TIMP2: variants seen among roughly 807,000 people sequenced by gnomAD.
TIMP2 encodes the protein metalloproteinase inhibitor 2.
TIMP2 carries 5 observed loss-of-function variants against 24.3 expected under a neutral mutation model. The ratio of observed to expected loss-of-function variants is 0.21; its 90% CI spans 0.11 to 0.43. The LOEUF is 0.43. Among genes scored for constraint, TIMP2 ranks in the 20% least tolerant of loss-of-function variants. The probability of loss-of-function intolerance (pLI) is 1.00; values close to 1 mark genes in which losing one functional copy is unlikely to be tolerated. For synonymous variants in TIMP2, 130 were observed against 123.2 expected (o/e 1.06, Z -0.37); for missense variants, 221 against 297.5 (o/e 0.74, Z 1.89).
At chr17:78,907,731 A>C (rs1053030514) in intron 1 of TIMP2, among the ~76,000 whole-genome samples, 1 of 152,252 alleles carries the variant, frequency 6.6e-6, no homozygotes, top group Admixed American at 6.5e-5. Context: ...TCTGCAGAGC[A>C]CAATATAGCG....
intron 1 of TIMP2, among the ~76,000 whole-genome samples, chr17:78,889,672 C>A (rs183699667): frequency 7.9e-5 from 12 of 152,310 alleles, no homozygotes; most frequent in Admixed American, 3.3e-4. Context: ...GTGCCTGTGG[C>A]CCCTGAAAAC....
At position 78,896,900 on chromosome 17, in the gene TIMP2, C is replaced by G. The variant is rs1020954408; in HGVS notation, c.131-22981G>C. ...CCGATCCGATCCCAGCACCTGGGCCCAGGAATGTGCTTGGCCACCAGATTC... is the reference window on the plus strand; with the variant it reads ...CCGATCCGATCCCAGCACCTGGGCCGAGGAATGTGCTTGGCCACCAGATTC... On this transcript the variant is annotated intron_variant, in intron 1 of 4. Coordinates refer to ENST00000262768, the MANE Select transcript of TIMP2 (RefSeq NM_003255.5). This position sits in a 1 kb window ranked among gnomAD's most constrained non-coding sequence, Gnocchi z 4.4. 2 of 984,424 alleles carry G rather than the reference C, an allele frequency of 2.0e-6. No individual in the cohort carries two copies. The highest frequency in any genetic ancestry group is 3.5e-5 in the African/African-American group (2 of 57,196). The allele number at this position is 984,424 out of a possible 1,614,324, so 61.0% of individuals were successfully genotyped here. A position where few individuals can be genotyped will look rare whatever the true frequency, so the allele number is the denominator to read the frequency against.
At chr17:78,910,354 G>C (rs2070197066) in intron 1 of TIMP2, among the ~76,000 whole-genome samples, 1 of 151,896 alleles carries the variant, frequency 6.6e-6, no homozygotes, top group African/African-American at 2.4e-5. Context: ...CACCAGGCCT[G>C]GCTAATTTTT....
chr17:78,897,122 A>C, intron 1 of TIMP2: 5 of 394,110 alleles, frequency 1.3e-5, no homozygotes, highest in Non-Finnish European at 1.7e-5. Flanking sequence ...CGGCCTCCTC[A>C]CCCCCTCCGA....
chr17:78,918,076 A>ACACACT (rs10631362), intron 1 of TIMP2, among the ~76,000 whole-genome samples: 186 of 146,320 alleles, frequency 1.3e-3, no homozygotes, highest in South Asian at 2.1e-3. Flanking sequence ...ACACACACAC[A>ACACACT]CACACACACA....
intron 3 of TIMP2, among the ~76,000 whole-genome samples, chr17:78,868,883 C>T (rs2069642572): frequency 1.3e-5 from 2 of 152,106 alleles, no homozygotes; most frequent in Non-Finnish European, 2.9e-5. Context: ...CCCCTGGGCA[C>T]ATGTGGCAAT....
At chr17:78,915,769 C>T (rs1216793912) in intron 1 of TIMP2, among the ~76,000 whole-genome samples, 1 of 152,194 alleles carries the variant, frequency 6.6e-6, no homozygotes, top group Non-Finnish European at 1.5e-5. Context: ...ATCCACATGC[C>T]TCGGCCTCCC....
At chr17:78,882,858 C>T (rs181163806) in intron 1 of TIMP2, among the ~76,000 whole-genome samples, 243 of 152,374 alleles carry the variant, frequency 1.6e-3, no homozygotes, top group Admixed American at 3.8e-3. Context: ...AGCTCACCTT[C>T]AGCCTCTGGC....
Position 78,857,577 on chromosome 17 carries a change from C to T in TIMP2, c.410G>A (p.Ser137Asn). ...GTTCAGGCTCTTCTTCTGGGTGGTG[C>T]TCAGGGTGTCCCAGGGCACGATGAA... is the stretch of plus-strand genomic sequence containing the variant. ...CDFIVPWDTL[S>N]TTQKKSLNHR... Residue 137 changes from serine to asparagine, a missense_variant, in exon 4 of 5, where the codon AGC (serine) becomes AAC (asparagine). By Grantham distance (46) the Ser-to-Asn change is conservative. Coordinates refer to ENST00000262768, the MANE Select transcript of TIMP2 (RefSeq NM_003255.5). 1 of 1,614,180 alleles carries T rather than the reference C, an allele frequency of 6.2e-7. No individual in the cohort carries two copies. Among genetic ancestry groups the T allele is most frequent in the Non-Finnish European group, 8.5e-7 (1 of 1,180,028 alleles).
Position 78,860,202 on chromosome 17 carries a change from C to A in TIMP2, c.341-2556G>T, listed in dbSNP as rs1035024681. Among the ~76,000 whole-genome samples, 103 of 151,560 alleles carry A rather than the reference C, an allele frequency of 6.8e-4. 1 individual carries two copies. The highest frequency in any genetic ancestry group is 2.4e-3 in the African/African-American group (101 of 41,288). ...AAAACAAAAAAAACAAAAACAAAAA[C>A]AAAAAAAACCTCATCCCTCCTGCTA... On this transcript the variant is annotated intron_variant, in intron 3 of 4. Coordinates refer to ENST00000262768, the MANE Select transcript of TIMP2 (RefSeq NM_003255.5).
intron 1 of TIMP2, among the ~76,000 whole-genome samples, chr17:78,918,076 A>ACACACACT (rs1599178660): frequency 1.4e-5 from 2 of 146,208 alleles, no homozygotes; most frequent in Non-Finnish European, 1.5e-5. Flanking sequence ...ACACACACAC[A>ACACACACT]CACACACACA....
At position 78,896,994 on chromosome 17, in the gene TIMP2, C is replaced by T; in HGVS notation, c.131-23075G>A. The T allele has an allele frequency of 2.0e-6, 2 of 985,418 alleles. No homozygotes were observed. Among genetic ancestry groups the T allele is most frequent in the Non-Finnish European group, 2.4e-6 (2 of 829,922 alleles). 61.0% of individuals were successfully genotyped at this position (985,418 alleles called of 1,614,324 possible). A position where few individuals can be genotyped will look rare whatever the true frequency, so the allele number is the denominator to read the frequency against. On this transcript the variant is annotated intron_variant, in intron 1 of 4. Transcript: ENST00000262768. The surrounding 1 kb of genome is among the most constrained non-coding windows in gnomAD (Gnocchi z 4.4). ...TGAGAATGACGTCCAAGCAGCTCGCCTTTCCCTGGGCGGCCGCTCAGACAG... is the reference window on the plus strand; with the variant it reads ...TGAGAATGACGTCCAAGCAGCTCGCTTTTCCCTGGGCGGCCGCTCAGACAG...
chr17:78,898,386 G>C (rs947214673), intron 1 of TIMP2: 1 of 152,276 alleles, frequency 6.6e-6, no homozygotes, highest in Non-Finnish European at 1.5e-5. Context: ...GGAGGTCAGA[G>C]CTGGAAACCA....
rs989898896 is a variant in TIMP2 at position 78,920,319 on chromosome 17, A to G, written c.130+4640T>C. ...TACCCAAGCCCACCTGCAGCTCACA[A>G]ACGACAGGCCAGGACTGCGTACGTG... On this transcript the variant is annotated intron_variant, in intron 1 of 4. Transcript: ENST00000262768. This position sits in a 1 kb window ranked among gnomAD's most constrained non-coding sequence, Gnocchi z 4.5. Among the ~76,000 whole-genome samples the G allele has an allele frequency of 2.6e-5, 4 of 152,180 alleles. No individual in the cohort carries two copies. The highest frequency in any genetic ancestry group is 5.9e-5 in the Non-Finnish European group (4 of 68,026).
intron 1 of TIMP2, chr17:78,902,743 A>G (rs1336485133): frequency 6.6e-6 from 1 of 152,200 alleles, no homozygotes; most frequent in East Asian, 1.9e-4. Context: ...CTCACTAAAC[A>G]TACCTCGACA....
Position 78,853,758 on chromosome 17 carries a change from A to C in TIMP2, c.*1909T>G, listed in dbSNP as rs2069502358. 6.5e-6 allele frequency: 1 copy of C among 152,734 alleles called. No individual in the cohort carries two copies. Among genetic ancestry groups the C allele is most frequent in the Middle Eastern group, 3.4e-3 (1 of 294 alleles). The allele number at this position is 152,734 out of a possible 1,614,324, so 9.5% of individuals were successfully genotyped here. A position where few individuals can be genotyped will look rare whatever the true frequency, so the allele number is the denominator to read the frequency against. On this transcript the variant is annotated 3_prime_UTR_variant, in exon 5 of 5. Transcript: ENST00000262768. ...AAAAACACAGCACAGGAATGATTAC[A>C]GCTGATGTCAAAAACAAACCAAAAC...
chr17:78,923,051 G>T (rs1218226753), intron 1 of TIMP2, among the ~76,000 whole-genome samples: 2 of 152,082 alleles, frequency 1.3e-5, no homozygotes, highest in African/African-American at 4.8e-5. Flanking sequence ...GTGGTAGTTT[G>T]TCACAGCGGC....
rs1007752584 is a variant in TIMP2 at position 78,897,082 on chromosome 17, G to A, written c.131-23163C>T. 2.9e-5 allele frequency: 24 copies of A among 816,544 alleles called. No homozygotes were observed. In the African/African-American group the frequency reaches 4.3e-4, roughly 15 times the overall value. 50.6% of individuals were successfully genotyped at this position (816,544 alleles called of 1,614,324 possible). The stretch of plus-strand genomic sequence containing the variant: ...ACCCAGGCAGCGTGGAAGTGCCAGG[G>A]CCCACAGACAGCACCCCCCCGCCCC... On this transcript the variant is annotated intron_variant, in intron 1 of 4. Coordinates refer to ENST00000262768, the MANE Select transcript of TIMP2 (RefSeq NM_003255.5).
intron 1 of TIMP2, among the ~76,000 whole-genome samples, chr17:78,890,370 T>A (rs1413345335): frequency 6.6e-6 from 1 of 152,038 alleles, no homozygotes; most frequent in Non-Finnish European, 1.5e-5. Flanking sequence ...CCCAGCTAAT[T>A]TTTATATTTT....
Sources: allele counts gnomAD v4.1 joint callset (sites outside exome capture counted in the v4.1 genomes callset), GRCh38; gene constraint gnomAD v4.1.1; non-coding constraint Gnocchi (gnomAD v3.1); transcripts MANE v1.5; gene names NCBI Gene and HGNC (gene_info 2026-07-23, HGNC 2026-07-21).